The following OOSP4A variants were observed in gnomAD, a reference collection of about 807,000 sequenced individuals.
The protein encoded by OOSP4A is oocyte secreted protein family member 4A.
intron 1 of OOSP4A, among the ~76,000 whole-genome samples, chr11:59,964,856 G>C (rs1385445098): frequency 6.6e-6 from 1 of 151,926 alleles, no homozygotes; most frequent in Non-Finnish European, 1.5e-5. Context: ...TTTTTCTATT[G>C]TGTGCAGCCA....
chr11:59,965,659 G>A (rs1044705742), exon 2 of OOSP4A: 1 of 398,510 alleles, frequency 2.5e-6, no homozygotes. Context: ...ACATGGTCGA[G>A]GTGGATTTCT....
intron 1 of OOSP4A, 49 bp downstream of exon 1, chr11:59,964,148 CTTT>C (rs397848906): frequency 0.031 from 9,430 of 305,624 alleles, no homozygotes; most frequent in East Asian, 0.043. Context: ...ATCAGCAGGG[CTTT>C]TTTTTTTTTT....
chr11:59,964,061 T>G (rs1385525783), exon 1 of OOSP4A: 1 of 397,684 alleles, frequency 2.5e-6, no homozygotes, highest in Non-Finnish European at 4.4e-6. Flanking sequence ...TTGGGAAAGC[T>G]CCTCATGCTT....
At chr11:59,964,617 A>C (rs1261286899) in intron 1 of OOSP4A, among the ~76,000 whole-genome samples, 1 of 152,136 alleles carries the variant, frequency 6.6e-6, no homozygotes, top group Non-Finnish European at 1.5e-5. Flanking sequence ...CATGACCTTA[A>C]ATTTATCCAT....
chr11:59,968,594 T>C (rs1427264932), intron 3 of OOSP4A, among the ~76,000 whole-genome samples: 1 of 152,224 alleles, frequency 6.6e-6, no homozygotes, highest in Non-Finnish European at 1.5e-5. Flanking sequence ...TGGGAGAATA[T>C]GCCCTTTCTG....
intron 3 of OOSP4A, among the ~76,000 whole-genome samples, chr11:59,968,262 T>A (rs529731021): frequency 6.6e-6 from 1 of 152,328 alleles, no homozygotes; most frequent in South Asian, 2.1e-4. Flanking sequence ...GCTGGCTAGA[T>A]AATCATACCT....
chr11:59,968,323 T>C (rs1854122580), intron 3 of OOSP4A, among the ~76,000 whole-genome samples: 1 of 152,166 alleles, frequency 6.6e-6, no homozygotes, highest in African/African-American at 2.4e-5. Context: ...TTTGGAGTTC[T>C]TAGAAAGGGG....
At chr11:59,967,522 C>A in intron 3 of OOSP4A, among the ~76,000 whole-genome samples, 1 of 152,066 alleles carries the variant, frequency 6.6e-6, no homozygotes, top group East Asian at 1.9e-4. Flanking sequence ...TTGTGCAAAC[C>A]ATACCACCTT....
chr11:59,964,325 T>G (rs1406765069), intron 1 of OOSP4A, among the ~76,000 whole-genome samples: 1 of 152,052 alleles, frequency 6.6e-6, no homozygotes, highest in African/African-American at 2.4e-5. Flanking sequence ...TGCTGTTGTT[T>G]TTTATTTTTT....
intron 1 of OOSP4A, among the ~76,000 whole-genome samples, chr11:59,965,235 C>T (rs1354052349): frequency 6.6e-6 from 1 of 151,984 alleles, no homozygotes; most frequent in African/African-American, 2.4e-5. Context: ...CAACATGGCA[C>T]ATGTATACAT....
downstream of OOSP4A, among the ~76,000 whole-genome samples, chr11:59,970,311 T>C (rs960749329): frequency 3.9e-5 from 6 of 152,244 alleles, no homozygotes; most frequent in Non-Finnish European, 8.8e-5. Flanking sequence ...CTTCCCAGAT[T>C]TTAAACTTGT....
At chr11:59,964,046 G>A (rs1854069138) in exon 1 of OOSP4A, 2 of 397,744 alleles carry the variant, frequency 5.0e-6, no homozygotes, top group Admixed American at 8.8e-5. Flanking sequence ...AAGATCTCTT[G>A]TGTGTTGGGA....
chr11:59,969,341 G>T, intron 4 of OOSP4A, 57 bp downstream of exon 4: 1 of 397,548 alleles, frequency 2.5e-6, no homozygotes, highest in Non-Finnish European at 4.4e-6. Flanking sequence ...TATAAAAAAG[G>T]CCAGGGTTTA....
rs555690675 is a variant in OOSP4A at position 59,965,738 on chromosome 11, A to G, written c.246+25A>G. On this transcript the variant is annotated intron_variant, in intron 2 of 4. Coordinates refer to ENST00000645590, the Ensembl canonical transcript of OOSP4A. ...CGTAAGAGCAGTTATTATTTCAACC[A>G]ATAATATATCTTTTGACTGTTTTGG... The G allele has an allele frequency of 6.5e-5, 26 of 398,294 alleles. No individual in the cohort carries two copies. In the South Asian group the frequency reaches 2.7e-3, roughly 41 times the overall value. 24.7% of individuals were successfully genotyped at this position (398,294 alleles called of 1,614,324 possible). A position where few individuals can be genotyped will look rare whatever the true frequency, so the allele number is the denominator to read the frequency against.
At chr11:59,965,617 C>T in exon 2 of OOSP4A, 2 of 398,546 alleles carry the variant, frequency 5.0e-6, no homozygotes, top group Non-Finnish European at 4.4e-6. Context: ...CTTTGCAAAA[C>T]GAACTCTCTC....
chr11:59,970,278 T>C, downstream of OOSP4A: 1 of 389,010 alleles, frequency 2.6e-6, no homozygotes, highest in Non-Finnish European at 4.5e-6. Flanking sequence ...TATGAACCGT[T>C]GGGGTAGGGA....
chr11:59,970,055 T>C (rs764674321), exon 5 of OOSP4A: 1 of 398,166 alleles, frequency 2.5e-6, no homozygotes, highest in Non-Finnish European at 4.4e-6. Flanking sequence ...ACAGGAACAG[T>C]GTTCCCTTGT....
At position 59,966,472 on chromosome 11, in the gene OOSP4A, CTCTT is replaced by C. The variant is rs555688132; in HGVS notation, c.247-593_247-590del. ...TAGGTCTGCCTAAATCAGACTCTGA[CTCTT>C]TTTTTTTTTTTGCTTTTTGCAATGG... On this transcript the variant is annotated intron_variant, in intron 2 of 4. Coordinates refer to ENST00000645590, the Ensembl canonical transcript of OOSP4A. Among the ~76,000 whole-genome samples the C allele has an allele frequency of 7.9e-5, 12 of 151,098 alleles. No individual in the cohort carries two copies. In the South Asian group the frequency reaches 2.5e-3, roughly 32 times the overall value.
At chr11:59,967,242 C>A (rs752456934) in intron 3 of OOSP4A, 78 bp downstream of exon 3, 10 of 394,944 alleles carry the variant, frequency 2.5e-5, no homozygotes, top group Non-Finnish European at 4.5e-5. Flanking sequence ...AGTTAAACTG[C>A]TGAACATTAT....
Sources: gnomAD v4.1 joint callset for allele counts (sites outside exome capture counted in the v4.1 genomes callset) on GRCh38, gnomAD v4.1.1 for gene constraint, MANE v1.5 for transcripts, NCBI Gene and HGNC (gene_info 2026-07-23, HGNC 2026-07-21) for gene names.